RGS6: variants seen among roughly 807,000 people sequenced by gnomAD.
The protein encoded by RGS6 is regulator of G-protein signaling 6.
A neutral mutation model predicts 78.5 loss-of-function variants in RGS6; 30 were observed. The ratio of observed to expected loss-of-function variants is 0.38; its 90% CI spans 0.29 to 0.52. The LOEUF is 0.52. Ranked by LOEUF, RGS6 falls within the 20% of genes least tolerant of loss-of-function variation. RGS6 has a pLI of 0.85. For missense variants in RGS6, 495 were observed against 609.7 expected, an observed-to-expected ratio of 0.81 and a Z score of 1.98; for synonymous variants, 206 against 206.0, an observed-to-expected ratio of 1.00 and a Z score of 0.00.
chr14:72,114,259 C>T (rs1041969702), intron 2 of RGS6, among the ~76,000 whole-genome samples: 21 of 152,142 alleles, frequency 1.4e-4, no homozygotes, highest in South Asian at 4.1e-4. Flanking sequence ...TATCTTCTCC[C>T]GTCTGTCAAT....
intron 2 of RGS6, among the ~76,000 whole-genome samples, chr14:72,288,620 G>A (rs1374603299): frequency 6.6e-6 from 1 of 152,208 alleles, no homozygotes; most frequent in Non-Finnish European, 1.5e-5. Context: ...GACCAGTAGG[G>A]GCAAGCCTAG....
chr14:72,494,532 T>C (rs931053616), intron 12 of RGS6, among the ~76,000 whole-genome samples: 1 of 152,170 alleles, frequency 6.6e-6, no homozygotes, highest in African/African-American at 2.4e-5. Flanking sequence ...TGGTACTATT[T>C]TATTATTCTA....
rs975454544 is a variant in RGS6 at position 72,372,619 on chromosome 14, G to A, written c.184+20425G>A. On this transcript the variant is annotated intron_variant, in intron 3 of 17. Coordinates refer to ENST00000553525, the MANE Select transcript of RGS6 (RefSeq NM_001204424.2). ...CTAGGTTGGGTGTAGGGTAGGTTGG[G>A]AGTCAAAAGAGGACACTCTATAGAG... is the stretch of plus-strand genomic sequence containing the variant. Among the ~76,000 whole-genome samples, 8 of 152,254 alleles carry A rather than the reference G, an allele frequency of 5.3e-5. No individual in the cohort carries two copies. In the East Asian group the frequency reaches 1.5e-3, roughly 29 times the overall value.
chr14:72,167,016 TC>T (rs1169626881), intron 2 of RGS6, among the ~76,000 whole-genome samples: 4 of 151,052 alleles, frequency 2.6e-5, no homozygotes, highest in Admixed American at 6.6e-5. Flanking sequence ...CCTATTTTAA[TC>T]CCTTACTAGC....
At chr14:72,039,058 T>C (rs1398472957) in intron 2 of RGS6, among the ~76,000 whole-genome samples, 2 of 152,210 alleles carry the variant, frequency 1.3e-5, no homozygotes, top group African/African-American at 4.8e-5. Flanking sequence ...ATGTCCTTTA[T>C]TAGGTTGACA....
chr14:72,368,206 G>A (rs1194081061), intron 3 of RGS6, among the ~76,000 whole-genome samples: 1 of 152,176 alleles, frequency 6.6e-6, no homozygotes, highest in African/African-American at 2.4e-5. Context: ...GTGCATGTGT[G>A]TGAACTGGGG....
intron 2 of RGS6, among the ~76,000 whole-genome samples, chr14:72,146,658 C>G (rs945649871): frequency 1.3e-5 from 2 of 152,172 alleles, no homozygotes; most frequent in African/African-American, 4.8e-5. Flanking sequence ...CAAAACCCAA[C>G]AGGAAAAACA....
intron 2 of RGS6, among the ~76,000 whole-genome samples, chr14:72,179,011 A>G (rs550256900): frequency 6.6e-6 from 1 of 152,308 alleles, no homozygotes; most frequent in South Asian, 2.1e-4. Flanking sequence ...TCCAGCACAT[A>G]TTTCTGACCT....
intron 2 of RGS6, among the ~76,000 whole-genome samples, chr14:72,066,312 G>A (rs1364900590): frequency 1.3e-5 from 2 of 151,888 alleles, no homozygotes; most frequent in Non-Finnish European, 2.9e-5. Context: ...AACTCTGTAG[G>A]GGCTAAAGCT....
chr14:72,031,016 T>C (rs2090790388), intron 2 of RGS6, among the ~76,000 whole-genome samples: 1 of 151,872 alleles, frequency 6.6e-6, no homozygotes, highest in Non-Finnish European at 1.5e-5. Flanking sequence ...AGATTAGTTA[T>C]TAATAACACA....
chr14:72,194,973 C>T (rs546153944), intron 2 of RGS6, among the ~76,000 whole-genome samples: 28 of 152,166 alleles, frequency 1.8e-4, no homozygotes, highest in African/African-American at 5.1e-4. Context: ...TTTGGGAGGC[C>T]GAGGCAGGCG....
chr14:72,248,546 T>C (rs928408553), intron 2 of RGS6, among the ~76,000 whole-genome samples: 2 of 152,104 alleles, frequency 1.3e-5, no homozygotes, highest in Non-Finnish European at 2.9e-5. Context: ...TCAATAAGAG[T>C]GTAAAGACCA....
chr14:72,188,279 T>C (rs34233242), intron 2 of RGS6, among the ~76,000 whole-genome samples: 20,443 of 152,212 alleles, frequency 0.13, 1,589 homozygotes, highest in South Asian at 0.21. Flanking sequence ...TATCAGTTGA[T>C]GAAAATGTGA....
At position 72,424,800 on chromosome 14, in the gene RGS6, G is replaced by T. The variant is rs1032941383; in HGVS notation, c.185-29728G>T. Among the ~76,000 whole-genome samples, 19 of 152,124 alleles carry T rather than the reference G, an allele frequency of 1.2e-4. 1 individual carries two copies. The highest frequency in any genetic ancestry group is 4.1e-4 in the South Asian group (2 of 4,826). ...TCAGATCCAGGCATCTGAGTTCTGG[G>T]GGGGCAATGCTATAATCCCTGCCCA... On this transcript the variant is annotated intron_variant, in intron 3 of 17. Transcript: ENST00000553525.
At chr14:72,546,229 G>A (rs945972437) in intron 17 of RGS6, among the ~76,000 whole-genome samples, 5 of 152,166 alleles carry the variant, frequency 3.3e-5, no homozygotes, top group African/African-American at 9.7e-5. Context: ...TCTATGCTTC[G>A]CTTCTTATCT....
chr14:72,406,396 A>G (rs551551986), intron 3 of RGS6, among the ~76,000 whole-genome samples: 53 of 152,298 alleles, frequency 3.5e-4, no homozygotes, highest in African/African-American at 1.2e-3. Flanking sequence ...AAAAAAAATA[A>G]GAAACTGCTA....
the RGS6 span, among the ~76,000 whole-genome samples, chr14:71,914,805 T>C: frequency 1.3e-5 from 2 of 151,834 alleles, no homozygotes; most frequent in Non-Finnish European, 1.5e-5. Context: ...GCTTTACTTC[T>C]ATTTGTTCTT....
chr14:71,877,187 C>T, the RGS6 span, among the ~76,000 whole-genome samples: 9 of 152,126 alleles, frequency 5.9e-5, no homozygotes, highest in African/African-American at 1.7e-4. Flanking sequence ...ATCTTTGTGG[C>T]ATTCTCTGTA....
chr14:72,354,071 A>G (rs1246020637), intron 3 of RGS6, among the ~76,000 whole-genome samples: 2 of 152,182 alleles, frequency 1.3e-5, no homozygotes, highest in African/African-American at 4.8e-5. Context: ...ATTAACCTAA[A>G]AAATAAGTAG....
Sources: allele counts gnomAD v4.1 joint callset (sites outside exome capture counted in the v4.1 genomes callset), GRCh38; gene constraint gnomAD v4.1.1; transcripts MANE v1.5; gene names NCBI Gene and HGNC (gene_info 2026-07-23, HGNC 2026-07-21).